WDR70: variants seen among roughly 807,000 people sequenced by gnomAD.
WDR70 encodes WD repeat domain 70, also known as WD repeat-containing protein 70.
A neutral mutation model predicts 88.6 loss-of-function variants in WDR70; 53 were observed. The observed-to-expected ratio is 0.60, with a 90% confidence interval of 0.48 to 0.75. WDR70 has a LOEUF of 0.75. Ranked by LOEUF, WDR70 falls within the 30% of genes least tolerant of loss-of-function variation. The pLI is 0.00. For synonymous variants in WDR70, 280 were observed against 270.0 expected (o/e 1.04, Z -0.36); for missense variants, 610 against 823.2 (o/e 0.74, Z 3.17).
chr5:37,445,030 T>C (rs115192549), intron 7 of WDR70, among the ~76,000 whole-genome samples: 4,149 of 152,256 alleles, frequency 0.027, 202 homozygotes, highest in African/African-American at 0.096. Flanking sequence ...TAACAGGCCA[T>C]AGACTGATAC....
chr5:37,698,866 A>C (rs754881652), intron 11 of WDR70, among the ~76,000 whole-genome samples: 3 of 152,216 alleles, frequency 2.0e-5, no homozygotes, highest in Non-Finnish European at 4.4e-5. Context: ...TTAAAAAATC[A>C]AAGCACATGT....
chr5:37,631,146 C>G (rs1315584492), intron 10 of WDR70, among the ~76,000 whole-genome samples: 1 of 152,156 alleles, frequency 6.6e-6, no homozygotes, highest in Non-Finnish European at 1.5e-5. Flanking sequence ...CATCTTCACT[C>G]CCTTGCCACA....
chr5:37,475,111 G>A (rs1050305591), intron 7 of WDR70, among the ~76,000 whole-genome samples: 1 of 151,466 alleles, frequency 6.6e-6, no homozygotes, highest in Non-Finnish European at 1.5e-5. Context: ...GTAGAGATGG[G>A]GTTTCGCTAT....
chr5:37,615,333 G>A (rs892446415), intron 10 of WDR70, among the ~76,000 whole-genome samples: 2 of 152,040 alleles, frequency 1.3e-5, no homozygotes, highest in African/African-American at 4.8e-5. Context: ...GGACTCATCT[G>A]GAAAGAATGA....
intron 7 of WDR70, among the ~76,000 whole-genome samples, chr5:37,472,883 G>T (rs2112137302): frequency 6.6e-6 from 1 of 152,094 alleles, no homozygotes; most frequent in South Asian, 2.1e-4. Context: ...GCCTTTTTGT[G>T]TGCTATGAAC....
intron 9 of WDR70, among the ~76,000 whole-genome samples, chr5:37,583,209 G>A (rs762321497): frequency 6.6e-6 from 1 of 152,114 alleles, no homozygotes; most frequent in Admixed American, 6.5e-5. Flanking sequence ...GGTGGATCAC[G>A]AGGTGAGGAG....
chr5:37,730,428 T>A (rs564100109), intron 17 of WDR70, among the ~76,000 whole-genome samples: 1 of 135,720 alleles, frequency 7.4e-6, no homozygotes, highest in Admixed American at 7.9e-5. Context: ...TAACTTGATA[T>A]AAATTAAGTC....
chr5:37,580,396 G>A (rs1743184947), intron 9 of WDR70, among the ~76,000 whole-genome samples: 1 of 152,148 alleles, frequency 6.6e-6, no homozygotes, highest in Admixed American at 6.5e-5. Flanking sequence ...CTTCAAATCA[G>A]CCTGGATATT....
intron 10 of WDR70, among the ~76,000 whole-genome samples, chr5:37,684,404 G>A (rs925003064): frequency 6.6e-6 from 1 of 152,154 alleles, no homozygotes; most frequent in Non-Finnish European, 1.5e-5. Flanking sequence ...TCTTGCACTG[G>A]ATCTTTCTCA....
intron 9 of WDR70, among the ~76,000 whole-genome samples, chr5:37,533,457 T>C (rs1394662071): frequency 1.4e-5 from 2 of 141,280 alleles, no homozygotes; most frequent in African/African-American, 2.7e-5. Context: ...AACAAAACAA[T>C]CACCACCACC....
At chr5:37,506,869 C>A in intron 8 of WDR70, 1 of 1,202,204 alleles carries the variant, frequency 8.3e-7, no homozygotes, top group South Asian at 1.2e-5. Flanking sequence ...TGCGCTGCCC[C>A]CGGTGGGTCC....
intron 10 of WDR70, among the ~76,000 whole-genome samples, chr5:37,652,425 C>CT (rs893558147): frequency 1.3e-5 from 2 of 152,090 alleles, no homozygotes; most frequent in Non-Finnish European, 2.9e-5. Context: ...TATGTGGGCT[C>CT]TTTTTTTGGT....
chr5:37,406,961 C>T (rs143234392), intron 5 of WDR70, among the ~76,000 whole-genome samples: 18 of 152,172 alleles, frequency 1.2e-4, no homozygotes, highest in African/African-American at 4.3e-4. Context: ...TATGACTCTA[C>T]CTGAAACAAA....
At chr5:37,485,835 G>A (rs2112174943) in intron 8 of WDR70, among the ~76,000 whole-genome samples, 1 of 149,770 alleles carries the variant, frequency 6.7e-6, no homozygotes, top group East Asian at 2.0e-4. Context: ...AAGACTACAG[G>A]CATGCGCCAC....
rs532910704 is a variant in WDR70, at chr5:37,548,385, A to G, written c.917+31795A>G. Among the ~76,000 whole-genome samples, 192 of 152,198 alleles carry G rather than the reference A, an allele frequency of 1.3e-3. 2 individuals are homozygous for G. The highest frequency in any genetic ancestry group is 0.01 in the Middle Eastern group (3 of 294). The stretch of plus-strand genomic sequence containing the variant: ...TGTTTTTATTTTCATTTGTCTGGTG[A>G]TCAGTGATGCTGAGCACATTTTCAT... On this transcript the variant is annotated intron_variant, in intron 9 of 17. Coordinates refer to ENST00000265107, the MANE Select transcript of WDR70 (RefSeq NM_018034.4).
intron 9 of WDR70, among the ~76,000 whole-genome samples, chr5:37,581,223 A>C (rs1581410520): frequency 4.3e-5 from 6 of 138,562 alleles, no homozygotes; most frequent in Admixed American, 4.1e-4. Context: ...CAATCAATCA[A>C]ACTTTTCCCA....
rs76486624 is a variant in WDR70 at position 37,731,734 on chromosome 5, C to T, written c.1877+4689C>T. On this transcript the variant is annotated intron_variant, in intron 17 of 17. Coordinates refer to ENST00000265107, the MANE Select transcript of WDR70 (RefSeq NM_018034.4). Reference sequence around the variant, plus strand: ...CTCCAAATATTTGTGTCTATGTTTACACACAAATCACTGAGATGTCTTCAA... The same window carrying T: ...CTCCAAATATTTGTGTCTATGTTTATACACAAATCACTGAGATGTCTTCAA... Among the ~76,000 whole-genome samples the T allele has an allele frequency of 6.3e-3, 957 of 152,178 alleles. 13 individuals are homozygous for T. The highest frequency in any genetic ancestry group is 0.022 in the African/African-American group (907 of 41,524).
At chr5:37,523,076 G>T (rs1363994444) in intron 9 of WDR70, among the ~76,000 whole-genome samples, 1 of 152,216 alleles carries the variant, frequency 6.6e-6, no homozygotes, top group East Asian at 1.9e-4. Flanking sequence ...TGAACAAAAG[G>T]CAGCAGAAAC....
intron 10 of WDR70, among the ~76,000 whole-genome samples, chr5:37,671,781 A>G (rs763735913): frequency 2.6e-5 from 4 of 152,144 alleles, no homozygotes; most frequent in African/African-American, 9.7e-5. Flanking sequence ...CCACTGTAAA[A>G]TGTTAAGATT....
Sources: allele counts gnomAD v4.1 joint callset (sites outside exome capture counted in the v4.1 genomes callset), GRCh38; gene constraint gnomAD v4.1.1; transcripts MANE v1.5; gene names NCBI Gene and HGNC (gene_info 2026-07-23, HGNC 2026-07-21).